The following SORCS2 variants were observed in gnomAD, a reference collection of about 807,000 sequenced individuals.
SORCS2 encodes the protein VPS10 domain-containing receptor SorCS2.
Under a neutral mutation model 141.6 loss-of-function variants are expected in SORCS2, and 100 were observed. The observed-to-expected ratio is 0.71, with a 90% CI of 0.60 to 0.83. The LOEUF is 0.83. SORCS2 is among the 40% of genes least tolerant of loss of function. The pLI, the probability that SORCS2 is intolerant of heterozygous loss-of-function variation, is 0.00. For missense variants in SORCS2, 1,646 were observed against 1,560.2 expected, an observed-to-expected ratio of 1.05 and a Z score of -0.93; for synonymous variants, 789 against 676.9, an observed-to-expected ratio of 1.17 and a Z score of -2.57.
chr4:7,645,214 G>A (rs1249994114), intron 4 of SORCS2, among the ~76,000 whole-genome samples: 1 of 152,178 alleles, frequency 6.6e-6, no homozygotes, highest in Non-Finnish European at 1.5e-5. Context: ...AGATAGAAGG[G>A]TGCCTGGCCT....
intron 1 of SORCS2, among the ~76,000 whole-genome samples, chr4:7,248,254 G>A (rs1303237598): frequency 6.6e-6 from 1 of 152,136 alleles, no homozygotes; most frequent in Non-Finnish European, 1.5e-5. Flanking sequence ...TGTGTGTGGA[G>A]GGTGTTTTGT....
intron 1 of SORCS2, among the ~76,000 whole-genome samples, chr4:7,238,125 C>G (rs1560132065): frequency 6.6e-6 from 1 of 152,108 alleles, no homozygotes; most frequent in Non-Finnish European, 1.5e-5. Context: ...AATGAAGAGG[C>G]CACGTTTGCA....
At chr4:7,239,444 C>T (rs1487212099) in intron 1 of SORCS2, among the ~76,000 whole-genome samples, 1 of 152,248 alleles carries the variant, frequency 6.6e-6, no homozygotes, top group African/African-American at 2.4e-5. Context: ...CCCTCCTCTT[C>T]CTCTCTCTCT....
chr4:7,403,425 G>A (rs949705889), intron 2 of SORCS2, among the ~76,000 whole-genome samples: 1 of 152,142 alleles, frequency 6.6e-6, no homozygotes, highest in Admixed American at 6.5e-5. Context: ...ACATTTGCTA[G>A]GGTTCCATTT....
At chr4:7,684,558 G>A (rs1439091118) in intron 10 of SORCS2, among the ~76,000 whole-genome samples, 1 of 152,126 alleles carries the variant, frequency 6.6e-6, no homozygotes, top group Non-Finnish European at 1.5e-5. Flanking sequence ...TCACCCATAA[G>A]CCCTTCTTAG....
chr4:7,407,848 G>A (rs1725068384), intron 2 of SORCS2, among the ~76,000 whole-genome samples: 1 of 151,674 alleles, frequency 6.6e-6, no homozygotes, highest in Non-Finnish European at 1.5e-5. Context: ...TCTATTATAG[G>A]TTTTTGCATT....
At chr4:7,678,671 G>A (rs1362906200) in intron 9 of SORCS2, among the ~76,000 whole-genome samples, 2 of 149,770 alleles carry the variant, frequency 1.3e-5, no homozygotes, top group African/African-American at 4.9e-5. Flanking sequence ...GAAGCCAGAA[G>A]AGGTTCGCAG....
chr4:7,297,361 C>G (rs1717144188), intron 1 of SORCS2, among the ~76,000 whole-genome samples: 1 of 152,202 alleles, frequency 6.6e-6, no homozygotes, highest in Admixed American at 6.5e-5. Flanking sequence ...GTCTGCAGCC[C>G]TGTCCCCTGC....
At chr4:7,196,267 C>T (rs538964984) in intron 1 of SORCS2, among the ~76,000 whole-genome samples, 2 of 152,310 alleles carry the variant, frequency 1.3e-5, no homozygotes, top group South Asian at 4.1e-4. Flanking sequence ...TGTGCACACA[C>T]AGCTCTGGGT....
In SORCS2 at chr4:7,664,534, C is replaced by T. The variant is rs116278260; in HGVS notation, c.1071+63C>T. ...GGTGACGTGGCGGATGACCCGTTCG[C>T]GGCAAAAATGGCATCGCTCAGAAAA... On this transcript the variant is annotated intron_variant, in intron 7 of 26. Coordinates refer to ENST00000507866, the MANE Select transcript of SORCS2 (RefSeq NM_020777.3). The surrounding 1 kb of genome is among the most constrained non-coding windows in gnomAD (Gnocchi z 4.7). The T allele has an allele frequency of 3.9e-3, 4,798 of 1,227,862 alleles. 117 individuals carry two copies. In the African/African-American group the frequency reaches 0.058, roughly 15 times the overall value. 76.1% of individuals were successfully genotyped at this position (1,227,862 alleles called of 1,614,324 possible). A position where few individuals can be genotyped will look rare whatever the true frequency, so the allele number is the denominator to read the frequency against.
At chr4:7,483,529 T>C (rs929757532) in intron 2 of SORCS2, among the ~76,000 whole-genome samples, 4 of 152,054 alleles carry the variant, frequency 2.6e-5, no homozygotes, top group Non-Finnish European at 4.4e-5. Context: ...TTCCATCTCC[T>C]GAACTGAGAG....
chr4:7,669,251 C>T (rs1722664865), intron 8 of SORCS2, among the ~76,000 whole-genome samples: 2 of 152,188 alleles, frequency 1.3e-5, no homozygotes, highest in Non-Finnish European at 2.9e-5. Flanking sequence ...AAGGGCATAC[C>T]AGGGAGCCAT....
chr4:7,416,815 T>C (rs933449196), intron 2 of SORCS2, among the ~76,000 whole-genome samples: 5 of 149,412 alleles, frequency 3.3e-5, no homozygotes, highest in East Asian at 2.0e-4. Flanking sequence ...TGCATGCATG[T>C]ACACACTTGT....
intron 1 of SORCS2, among the ~76,000 whole-genome samples, chr4:7,355,274 C>T (rs184854895): frequency 6.6e-6 from 1 of 152,102 alleles, no homozygotes; most frequent in Non-Finnish European, 1.5e-5. Context: ...CCTCTGTGCC[C>T]TTCCGGGTTT....
At chr4:7,667,859 G>T (rs1342467755) in intron 8 of SORCS2, among the ~76,000 whole-genome samples, 3 of 152,204 alleles carry the variant, frequency 2.0e-5, no homozygotes, top group African/African-American at 7.2e-5. Context: ...TAACAGAGGA[G>T]GTGATGGAAG....
chr4:7,539,671 A>AAGACCCCGACCCCCGTTATGG, intron 3 of SORCS2, among the ~76,000 whole-genome samples: 1 of 74,910 alleles, frequency 1.3e-5, no homozygotes, highest in Admixed American at 1.7e-4. Flanking sequence ...TCCCAGCTGC[A>AAGACCCCGACCCCCGTTATGG]AGGCCCCGAC....
intron 8 of SORCS2, among the ~76,000 whole-genome samples, chr4:7,671,546 A>C (rs1722799353): frequency 1.3e-5 from 2 of 152,192 alleles, no homozygotes; most frequent in Admixed American, 6.5e-5. Context: ...GAAATTCTGG[A>C]GCTAAAAAGA....
At chr4:7,372,014 C>T (rs1210948561) in intron 1 of SORCS2, among the ~76,000 whole-genome samples, 5 of 152,088 alleles carry the variant, frequency 3.3e-5, no homozygotes, top group African/African-American at 9.7e-5. Context: ...GAGGAAAGGA[C>T]GAGAGCAGTA....
intron 2 of SORCS2, chr4:7,434,316 TAC>T (rs780514469): frequency 2.7e-5 from 44 of 1,611,606 alleles, no homozygotes; most frequent in Non-Finnish European, 3.3e-5. Context: ...AGACCTGCCG[TAC>T]ACAGTCTTGG....
Sources: allele counts gnomAD v4.1 joint callset (sites outside exome capture counted in the v4.1 genomes callset), GRCh38; gene constraint gnomAD v4.1.1; non-coding constraint Gnocchi (gnomAD v3.1); transcripts MANE v1.5; gene names NCBI Gene and HGNC (gene_info 2026-07-23, HGNC 2026-07-21).